The following SYT11 variants were observed in gnomAD, a reference collection of about 807,000 sequenced individuals.
SYT11 encodes the protein synaptotagmin-11.
Under a neutral mutation model 30.4 loss-of-function variants are expected in SYT11, and 12 were observed. The observed-to-expected ratio is 0.39, with a 90% CI of 0.25 to 0.64. The LOEUF (loss-of-function observed/expected upper bound fraction) is 0.64, where lower values mean the gene tolerates loss of function less well. Among genes scored for constraint, SYT11 ranks in the 30% least tolerant of loss-of-function variants. SYT11 has a pLI of 0.45. For missense variants in SYT11, 412 were observed against 552.0 expected, an observed-to-expected ratio of 0.75 and a Z score of 2.54; for synonymous variants, 204 against 216.0, an observed-to-expected ratio of 0.94 and a Z score of 0.49.
In SYT11 at chr1:155,860,466, G is replaced by A. The variant is rs1217965534; in HGVS notation, c.34+671G>A. Among the ~76,000 whole-genome samples, 1 of 152,146 alleles carries A rather than the reference G, an allele frequency of 6.6e-6. No individual in the cohort carries two copies. On this transcript the variant is annotated intron_variant, in intron 1 of 3. Transcript: ENST00000368324. This position sits in a 1 kb window ranked among gnomAD's most constrained non-coding sequence, Gnocchi z 4.1. ...ATGGCGCTTGGCGCTGCTGGGCTGG[G>A]GGATGACGTGATGTCTATTTCTGGG... is the stretch of plus-strand genomic sequence containing the variant.
chr1:155,879,691 A>G (rs186310603), intron 2 of SYT11, among the ~76,000 whole-genome samples: 23 of 152,340 alleles, frequency 1.5e-4, no homozygotes, highest in Admixed American at 2.6e-4. Flanking sequence ...CCCACTGTAC[A>G]GTCTTCAGAA....
In SYT11 at chr1:155,859,602, G is replaced by C; in HGVS notation, c.-160G>C. On this transcript the variant is annotated 5_prime_UTR_variant, in exon 1 of 4. Coordinates refer to ENST00000368324, the MANE Select transcript of SYT11 (RefSeq NM_152280.5). ...CGGAGCATCTTAAGAGCTGAGCGCA[G>C]CTGACAACTAGGGGCCGGACCGTCG... 1 of 707,402 alleles carries C rather than the reference G, an allele frequency of 1.4e-6. No individual in the cohort carries two copies. Among genetic ancestry groups the C allele is most frequent in the Non-Finnish European group, 2.6e-6 (1 of 391,098 alleles). The allele number at this position is 707,402 out of a possible 1,614,324, so 43.8% of individuals were successfully genotyped here. A position where few individuals can be genotyped will look rare whatever the true frequency, so the allele number is the denominator to read the frequency against.
At chr1:155,859,930 G>A in intron 1 of SYT11, 135 bp downstream of exon 1, 1 of 834,204 alleles carries the variant, frequency 1.2e-6, no homozygotes. Flanking sequence ...CGGGCCTGTG[G>A]TGGTGGGTAG....
chr1:155,876,390 C>T (rs1259913466), intron 2 of SYT11, among the ~76,000 whole-genome samples: 1 of 151,834 alleles, frequency 6.6e-6, no homozygotes, highest in Non-Finnish European at 1.5e-5. Flanking sequence ...GGACCACAGG[C>T]GCCCGCCACC....
At chr1:155,878,192 G>A (rs543916572) in intron 2 of SYT11, among the ~76,000 whole-genome samples, 10 of 149,708 alleles carry the variant, frequency 6.7e-5, no homozygotes, top group Non-Finnish European at 1.2e-4. Flanking sequence ...GCAGAAAGCC[G>A]AGATCTCACC....
At chr1:155,865,319 A>G (rs142021663) in intron 1 of SYT11, among the ~76,000 whole-genome samples, 35 of 152,250 alleles carry the variant, frequency 2.3e-4, no homozygotes, top group African/African-American at 8.2e-4. Flanking sequence ...AGTGAGCTGC[A>G]CAGATGCCTG....
At chr1:155,880,026 T>C (rs1174282026) in intron 2 of SYT11, among the ~76,000 whole-genome samples, 2 of 152,064 alleles carry the variant, frequency 1.3e-5, no homozygotes, top group Non-Finnish European at 2.9e-5. Flanking sequence ...AGACTCTGTG[T>C]ATAGAAAAAA....
intron 2 of SYT11, among the ~76,000 whole-genome samples, chr1:155,872,985 A>C (rs1672803031): frequency 6.6e-6 from 1 of 152,236 alleles, no homozygotes; most frequent in Non-Finnish European, 1.5e-5. Flanking sequence ...AACTTTCCCA[A>C]AAAACTAGGA....
At chr1:155,867,899 G>A (rs1003177111) in intron 1 of SYT11, 66 bp from the exon 2 acceptor site, 4 of 1,225,984 alleles carry the variant, frequency 3.3e-6, no homozygotes, top group Non-Finnish European at 4.6e-6. Context: ...GTGGCAATGA[G>A]CAGGGGAGAT....
intron 2 of SYT11, among the ~76,000 whole-genome samples, chr1:155,877,016 G>T (rs1202542837): frequency 6.7e-6 from 1 of 148,652 alleles, no homozygotes; most frequent in African/African-American, 2.5e-5. Flanking sequence ...GCCCAAGCTG[G>T]AGTGCAGTGA....
chr1:155,879,657 G>A (rs529606177), intron 2 of SYT11, among the ~76,000 whole-genome samples: 17 of 152,300 alleles, frequency 1.1e-4, no homozygotes, highest in Admixed American at 8.5e-4. Context: ...GCAAGGTTAA[G>A]ATTCAAACCC....
chr1:155,861,721 C>CGATTA (rs1173478059), intron 1 of SYT11, among the ~76,000 whole-genome samples: 1 of 152,130 alleles, frequency 6.6e-6, no homozygotes, highest in Non-Finnish European at 1.5e-5. Flanking sequence ...TGGGTTCAAG[C>CGATTA]GATTATCCTG....
chr1:155,872,857 G>A (rs1672801405), intron 2 of SYT11, among the ~76,000 whole-genome samples: 1 of 152,174 alleles, frequency 6.6e-6, no homozygotes, highest in Non-Finnish European at 1.5e-5. Context: ...CGCTGAGTGG[G>A]GATGGGCATG....
rs1673030511 is a variant in SYT11, at chr1:155,884,280, C to T, written c.*2772C>T. On this transcript the variant is annotated 3_prime_UTR_variant, in exon 4 of 4. Coordinates refer to ENST00000368324, the MANE Select transcript of SYT11 (RefSeq NM_152280.5). ...ACAAACGTCTGGGAAAACAGCCTCA[C>T]CCCACTCTCCTCTCTCTTCCCCATT... The T allele has an allele frequency of 6.5e-6, 1 of 153,032 alleles. No homozygotes were observed. 9.5% of individuals were successfully genotyped at this position (153,032 alleles called of 1,614,324 possible). A position where few individuals can be genotyped will look rare whatever the true frequency, so the allele number is the denominator to read the frequency against.
intron 2 of SYT11, among the ~76,000 whole-genome samples, chr1:155,870,143 G>A (rs773326011): frequency 6.6e-6 from 1 of 152,172 alleles, no homozygotes; most frequent in Non-Finnish European, 1.5e-5. Context: ...GAAAGAAGTT[G>A]TTGAAATTTT....
Position 155,880,636 on chromosome 1 carries a change from T to C in SYT11, c.985+13T>C. The stretch of plus-strand genomic sequence containing the variant: ...GGTCTCTCAGGTAGCAGCTATTTAC[T>C]TCAACCTATTTCTTACTGTCTGAAC... On this transcript the variant is annotated intron_variant, in intron 3 of 3. Coordinates refer to ENST00000368324, the MANE Select transcript of SYT11 (RefSeq NM_152280.5). 6.2e-7 allele frequency: 1 copy of C among 1,613,454 alleles called. No homozygotes were observed. Among genetic ancestry groups the C allele is most frequent in the African/African-American group, 1.3e-5 (1 of 75,024 alleles).
Position 155,884,581 on chromosome 1 carries a change from C to G in SYT11, c.*3073C>G, listed in dbSNP as rs749493320. 6.5e-6 allele frequency: 1 copy of G among 152,758 alleles called. No individual in the cohort carries two copies. Among genetic ancestry groups the G allele is most frequent in the Non-Finnish European group, 1.5e-5 (1 of 68,046 alleles). 9.5% of individuals were successfully genotyped at this position (152,758 alleles called of 1,614,324 possible). A position where few individuals can be genotyped will look rare whatever the true frequency, so the allele number is the denominator to read the frequency against. On this transcript the variant is annotated 3_prime_UTR_variant, in exon 4 of 4. Coordinates refer to ENST00000368324, the MANE Select transcript of SYT11 (RefSeq NM_152280.5). ...AAGAGTGGAGGAGGAATGCCTTCTC[C>G]TAAGAGTCAGTTGAAAGAAAGACAA...
At chr1:155,872,557 C>T (rs976008191) in intron 2 of SYT11, among the ~76,000 whole-genome samples, 4 of 152,178 alleles carry the variant, frequency 2.6e-5, no homozygotes, top group Admixed American at 6.5e-5. Context: ...AGCCGAGCCC[C>T]GCAGCTCTGT....
intron 2 of SYT11, 114 bp from the exon 3 acceptor site, chr1:155,880,386 A>C: frequency 2.3e-6 from 3 of 1,293,574 alleles, no homozygotes; most frequent in Non-Finnish European, 3.1e-6. Flanking sequence ...TTTCCAAAAA[A>C]CTTATCATCC....
Sources: gnomAD v4.1 joint callset for allele counts (sites outside exome capture counted in the v4.1 genomes callset) on GRCh38, gnomAD v4.1.1 for gene constraint, Gnocchi (gnomAD v3.1) non-coding constraint, MANE v1.5 for transcripts, NCBI Gene and HGNC (gene_info 2026-07-23, HGNC 2026-07-21) for gene names.